ANO3: variants seen among roughly 807,000 people sequenced by gnomAD.
ANO3 encodes anoctamin 3.
Under a neutral mutation model 144.8 loss-of-function variants are expected in ANO3, and 99 were observed. The observed-to-expected ratio is 0.68, with a 90% CI of 0.58 to 0.81. The LOEUF (loss-of-function observed/expected upper bound fraction) is 0.81. Ranked by LOEUF, ANO3 falls within the 30% of genes least tolerant of loss-of-function variation. The probability of loss-of-function intolerance (pLI) is 0.00; values close to 1 mark genes in which losing one functional copy is unlikely to be tolerated. For synonymous variants in ANO3, 414 were observed against 392.6 expected, an observed-to-expected ratio of 1.05 and a Z score of -0.64; for missense variants, 905 against 1,202.2, an observed-to-expected ratio of 0.75 and a Z score of 3.66.
chr11:26,340,009 C>G (rs1177060912), intron 1 of ANO3, among the ~76,000 whole-genome samples: 5 of 152,132 alleles, frequency 3.3e-5, no homozygotes, highest in Non-Finnish European at 7.3e-5. Flanking sequence ...ATGCGGTTGG[C>G]CTGCTGAGGA....
chr11:26,631,444 A>G (rs1169590649), intron 18 of ANO3, among the ~76,000 whole-genome samples: 3 of 152,146 alleles, frequency 2.0e-5, no homozygotes, highest in Non-Finnish European at 4.4e-5. Flanking sequence ...TAGAGAAGAA[A>G]AGATGAAACA....
chr11:26,392,572 G>C (rs1856911082), intron 1 of ANO3, among the ~76,000 whole-genome samples: 1 of 152,088 alleles, frequency 6.6e-6, no homozygotes, highest in African/African-American at 2.4e-5. Context: ...AGTTGGAAAA[G>C]AATAGACACA....
intron 1 of ANO3, among the ~76,000 whole-genome samples, chr11:26,290,597 C>T (rs532769188): frequency 1.3e-5 from 2 of 152,294 alleles, no homozygotes; most frequent in South Asian, 4.1e-4. Flanking sequence ...CCCAGAGATT[C>T]TGATATGTTG....
At chr11:26,506,754 A>G (rs1861449406) in intron 4 of ANO3, among the ~76,000 whole-genome samples, 1 of 152,208 alleles carries the variant, frequency 6.6e-6, no homozygotes, top group Non-Finnish European at 1.5e-5. Flanking sequence ...GAAGCCCCTC[A>G]GGCAACCTAA....
At chr11:26,480,754 G>C (rs767123249) in intron 4 of ANO3, among the ~76,000 whole-genome samples, 14 of 152,216 alleles carry the variant, frequency 9.2e-5, no homozygotes, top group Non-Finnish European at 1.8e-4. Context: ...TTTGCGGTGA[G>C]CTGAGTTCGC....
chr11:26,194,689 G>A (rs1370147599), intron 1 of ANO3, among the ~76,000 whole-genome samples: 1 of 151,580 alleles, frequency 6.6e-6, no homozygotes, highest in African/African-American at 2.4e-5. Context: ...TAGTAGAAAC[G>A]AGGTTTCTCC....
chr11:26,498,736 A>G (rs1231429317), intron 4 of ANO3, among the ~76,000 whole-genome samples: 1 of 151,722 alleles, frequency 6.6e-6, no homozygotes, highest in Non-Finnish European at 1.5e-5. Context: ...TTTTCTCTCA[A>G]TTAGTCTCAA....
chr11:26,350,227 G>C (rs1239762425), intron 1 of ANO3, among the ~76,000 whole-genome samples: 1 of 152,090 alleles, frequency 6.6e-6, no homozygotes, highest in Non-Finnish European at 1.5e-5. Context: ...ATTCTCCTTT[G>C]GGAGGCATGA....
At chr11:26,291,291 C>T (rs1389432219) in intron 1 of ANO3, among the ~76,000 whole-genome samples, 1 of 152,058 alleles carries the variant, frequency 6.6e-6, no homozygotes, top group Non-Finnish European at 1.5e-5. Context: ...TTATTTTGAG[C>T]CTATGTGTGT....
intron 1 of ANO3, among the ~76,000 whole-genome samples, chr11:26,364,174 G>A (rs773287441): frequency 1.4e-4 from 22 of 152,238 alleles, no homozygotes; most frequent in Admixed American, 5.2e-4. Context: ...CCTGGGTGCC[G>A]TTCCAAATCA....
chr11:26,409,463 T>A (rs199541462), intron 1 of ANO3, among the ~76,000 whole-genome samples: 1 of 260 alleles, frequency 3.8e-3, no homozygotes, highest in Non-Finnish European at 0.071. Context: ...CATGAAATTG[T>A]TTTTTTCTAC....
intron 1 of ANO3, among the ~76,000 whole-genome samples, chr11:26,370,572 T>C (rs773101765): frequency 5.9e-5 from 9 of 151,996 alleles, no homozygotes; most frequent in African/African-American, 9.7e-5. Context: ...AACAGGAAAA[T>C]GTGAGAAAGT....
At chr11:26,454,062 GA>G (rs1859052009) in intron 3 of ANO3, among the ~76,000 whole-genome samples, 2 of 152,000 alleles carry the variant, frequency 1.3e-5, no homozygotes, top group African/African-American at 4.8e-5. Context: ...GAATCTCTGG[GA>G]CACATTCAAA....
At chr11:26,525,572 C>A in intron 6 of ANO3, 63 bp from the exon 7 acceptor site, 3 of 1,299,986 alleles carry the variant, frequency 2.3e-6, no homozygotes, top group South Asian at 2.5e-5. Flanking sequence ...TGAATGTTGT[C>A]ACTCACTCGT....
intron 16 of ANO3, 150 bp from the exon 17 acceptor site, chr11:26,599,400 T>C (rs925935769): frequency 4.8e-6 from 4 of 832,028 alleles, no homozygotes; most frequent in African/African-American, 1.7e-5. Context: ...GAATATAACT[T>C]CCTTAAAGGA....
chr11:26,269,401 C>T (rs998438161), intron 1 of ANO3, among the ~76,000 whole-genome samples: 2 of 152,158 alleles, frequency 1.3e-5, no homozygotes, highest in African/African-American at 2.4e-5. Context: ...AGCTTCTCCC[C>T]CTCTTACTTT....
At chr11:26,462,940 G>T in intron 3 of ANO3, 90 bp from the exon 4 acceptor site, 2 of 577,546 alleles carry the variant, frequency 3.5e-6, no homozygotes, top group Non-Finnish European at 5.8e-6. Flanking sequence ...CTAAACTCTG[G>T]GAAAACATGA....
rs529372762 is a variant in ANO3, at chr11:26,255,118, A to G, written c.155-54527A>G. 2.0e-5 allele frequency among the ~76,000 whole-genome samples: 3 copies of G among 152,280 alleles called. No individual in the cohort carries two copies. The South Asian group carries it at 6.2e-4, about 32-fold the overall frequency. ...TCTAACAACTAGGTTGGAGTTTTGC[A>G]TCTCTTTCTATGTATCTCAGAGAGA... On this transcript the variant is annotated intron_variant, in intron 1 of 27. Transcript: ENST00000672621.
chr11:26,577,350 G>T (rs1315476908), intron 14 of ANO3, among the ~76,000 whole-genome samples: 1 of 151,872 alleles, frequency 6.6e-6, no homozygotes, highest in Non-Finnish European at 1.5e-5. Flanking sequence ...GATCACCTGA[G>T]GTTAAAGACC....
Sources: gnomAD v4.1 joint callset for allele counts (sites outside exome capture counted in the v4.1 genomes callset) on GRCh38, gnomAD v4.1.1 for gene constraint, MANE v1.5 for transcripts, NCBI Gene and HGNC (gene_info 2026-07-23, HGNC 2026-07-21) for gene names.